ATAD1: variants seen among roughly 807,000 people sequenced by gnomAD.
The protein encoded by ATAD1 is ATPase family AAA domain containing 1.
A neutral mutation model predicts 42.7 loss-of-function variants in ATAD1; 18 were observed. The ratio of observed to expected loss-of-function variants is 0.42; its 90% CI spans 0.29 to 0.63. ATAD1 has a LOEUF of 0.63. Among genes scored for constraint, ATAD1 ranks in the 20% least tolerant of loss-of-function variants. The pLI, the probability that ATAD1 is intolerant of heterozygous loss-of-function variation, is 0.19. For missense variants in ATAD1, 294 were observed against 440.4 expected, an observed-to-expected ratio of 0.67 and a Z score of 2.98; for synonymous variants, 132 against 143.1, an observed-to-expected ratio of 0.92 and a Z score of 0.55.
intron 2 of ATAD1, among the ~76,000 whole-genome samples, chr10:87,814,193 T>C (rs1175882314): frequency 6.6e-6 from 1 of 152,118 alleles, no homozygotes; most frequent in African/African-American, 2.4e-5. Context: ...AATGAAGATG[T>C]TCACAATATT....
At chr10:87,776,454 G>C in intron 5 of ATAD1, 27 bp from the exon 6 acceptor site, 1 of 1,538,322 alleles carries the variant, frequency 6.5e-7, no homozygotes, top group Non-Finnish European at 9.0e-7. Context: ...CTTAACCTTA[G>C]AAATTAAGAA....
chr10:87,767,544 G>T, intron 8 of ATAD1, 129 bp downstream of exon 8: 2 of 873,752 alleles, frequency 2.3e-6, no homozygotes, highest in Non-Finnish European at 3.7e-6. Context: ...ACCAGTACCA[G>T]TCTGTGGCTG....
intron 5 of ATAD1, among the ~76,000 whole-genome samples, 169 bp downstream of exon 5, chr10:87,784,301 T>C (rs1444267502): frequency 1.3e-5 from 2 of 152,192 alleles, no homozygotes; most frequent in Non-Finnish European, 2.9e-5. Context: ...GGGGAGTATA[T>C]AGTCTATGGT....
chr10:87,818,030 G>T, intron 1 of ATAD1, 137 bp downstream of exon 1: 5 of 985,818 alleles, frequency 5.1e-6, no homozygotes, highest in Non-Finnish European at 6.0e-6. Flanking sequence ...GCGCTTGGGG[G>T]CGGCACTGAG....
chr10:87,812,740 T>C (rs1355446442), intron 2 of ATAD1, among the ~76,000 whole-genome samples: 4 of 152,226 alleles, frequency 2.6e-5, no homozygotes, highest in Admixed American at 1.3e-4. Flanking sequence ...TTTCAGTTGA[T>C]GATGGATTCT....
chr10:87,780,346 A>T (rs1855508336), intron 5 of ATAD1, among the ~76,000 whole-genome samples: 1 of 152,176 alleles, frequency 6.6e-6, no homozygotes, highest in South Asian at 2.1e-4. Flanking sequence ...ATTGTGTATG[A>T]GACTGTAATG....
At chr10:87,783,882 C>A (rs1855690508) in intron 5 of ATAD1, among the ~76,000 whole-genome samples, 1 of 150,038 alleles carries the variant, frequency 6.7e-6, no homozygotes, top group African/African-American at 2.4e-5. Flanking sequence ...AACGTATAAA[C>A]CACAAAGGAA....
chr10:87,827,692 C>T (rs963099949), intron 1 of ATAD1, among the ~76,000 whole-genome samples: 1 of 152,156 alleles, frequency 6.6e-6, no homozygotes, highest in Non-Finnish European at 1.5e-5. Flanking sequence ...CAGTCATTCT[C>T]CTGTCCCTAT....
intron 4 of ATAD1, among the ~76,000 whole-genome samples, chr10:87,790,004 A>G (rs1251783131): frequency 6.6e-6 from 1 of 152,184 alleles, no homozygotes; most frequent in Non-Finnish European, 1.5e-5. Context: ...AAACAAAACA[A>G]AAAACTTGTA....
chr10:87,818,166 C>A lies in ATAD1; in HGVS notation c.-14+1G>T. ...AGGCCCCACGGGAACCAGCTACTCA[C>A]CCAGGGGCAGAAACAGCAAGAGCAA... On this transcript the variant is annotated splice_donor_variant, in intron 1 of 9. Transcript: ENST00000680024. LOFTEE classifies it low-confidence loss of function (5UTR_SPLICE). The A allele has an allele frequency of 1.0e-6, 1 of 985,678 alleles. No individual in the cohort carries two copies. The highest frequency in any genetic ancestry group is 1.2e-6 in the Non-Finnish European group (1 of 830,094). 61.1% of individuals were successfully genotyped at this position (985,678 alleles called of 1,614,324 possible).
intron 8 of ATAD1, chr10:87,759,708 G>A (rs1309990188): frequency 2.2e-6 from 1 of 453,464 alleles, no homozygotes; most frequent in African/African-American, 2.0e-5. Flanking sequence ...TACCCTAATG[G>A]TTAAGAGTAG....
intron 1 of ATAD1, among the ~76,000 whole-genome samples, chr10:87,828,556 AG>A (rs1857770139): frequency 6.6e-6 from 1 of 152,258 alleles, no homozygotes; most frequent in Non-Finnish European, 1.5e-5. Context: ...TGAAGCAGCA[AG>A]TGCTAATGGA....
At chr10:87,824,153 T>G (rs1857682694) in intron 1 of ATAD1, among the ~76,000 whole-genome samples, 1 of 152,022 alleles carries the variant, frequency 6.6e-6, no homozygotes, top group Non-Finnish European at 1.5e-5. Context: ...TTAACAAGAT[T>G]TAACCTGACT....
intron 1 of ATAD1, among the ~76,000 whole-genome samples, chr10:87,826,730 C>T (rs1313834685): frequency 6.6e-6 from 1 of 152,232 alleles, no homozygotes; most frequent in East Asian, 1.9e-4. Flanking sequence ...GAAACCTCTT[C>T]TGTCCCTCTC....
Position 87,756,280 on chromosome 10 carries a change from C to T in ATAD1, c.965+509G>A, listed in dbSNP as rs1854219482. Among the ~76,000 whole-genome samples the T allele has an allele frequency of 2.6e-5, 4 of 152,152 alleles. No individual in the cohort carries two copies. In the South Asian group the frequency reaches 8.3e-4, roughly 32 times the overall value. On this transcript the variant is annotated intron_variant, in intron 9 of 9. Transcript: ENST00000680024. ...TATAATACTGGTTCCAGGCAAGTGG[C>T]ATTTTAGGAAACTTCCTTTAGGACA...
At position 87,753,785 on chromosome 10, in the gene ATAD1, CAT is replaced by C. The variant is rs1205187197; in HGVS notation, c.*900_*901del. 3 of 152,498 alleles carry C rather than the reference CAT, an allele frequency of 2.0e-5. No individual in the cohort carries two copies. Among genetic ancestry groups the C allele is most frequent in the East Asian group, 1.9e-4 (1 of 5,190 alleles). The allele number at this position is 152,498 out of a possible 1,614,324, so 9.4% of individuals were successfully genotyped here. A position where few individuals can be genotyped will look rare whatever the true frequency, so the allele number is the denominator to read the frequency against. On this transcript the variant is annotated 3_prime_UTR_variant, in exon 10 of 10. Coordinates refer to ENST00000680024, the MANE Select transcript of ATAD1 (RefSeq NM_001321967.2). ...TAACCTTAAAATAATATTTAAGAAA[CAT>C]AGTTACAACAGACATGTTACATTAA...
Position 87,767,659 on chromosome 10 carries a change from T to C in ATAD1, c.831+14A>G, listed in dbSNP as rs369336974. 7 of 1,604,580 alleles carry C rather than the reference T, an allele frequency of 4.4e-6. No homozygotes were observed. The highest frequency in any genetic ancestry group is 4.5e-5 in the East Asian group (2 of 44,746). On this transcript the variant is annotated intron_variant, in intron 8 of 9. Transcript: ENST00000680024. Reference sequence around the variant, plus strand: ...ATTTATAGGACGGGGAAAAAATTTTTATTTTCTACTTACATTTTCATTTTT... The same window carrying C: ...ATTTATAGGACGGGGAAAAAATTTTCATTTTCTACTTACATTTTCATTTTT...
intron 8 of ATAD1, among the ~76,000 whole-genome samples, chr10:87,766,926 A>C (rs1320119675): frequency 6.6e-6 from 1 of 152,182 alleles, no homozygotes. Flanking sequence ...AAAAAACCTT[A>C]AACACAAAAG....
chr10:87,805,294 A>T (rs1856871720), intron 2 of ATAD1, among the ~76,000 whole-genome samples: 2 of 152,158 alleles, frequency 1.3e-5, no homozygotes, highest in African/African-American at 4.8e-5. Flanking sequence ...GGTAATACTT[A>T]ACTTTCTAAA....
Sources: allele counts gnomAD v4.1 joint callset (sites outside exome capture counted in the v4.1 genomes callset), GRCh38; gene constraint gnomAD v4.1.1; transcripts MANE v1.5; gene names NCBI Gene and HGNC (gene_info 2026-07-23, HGNC 2026-07-21).